The following CNTNAP2 variants were observed in gnomAD, a reference collection of about 807,000 sequenced individuals.
CNTNAP2 encodes contactin associated protein 2.
Under a neutral mutation model 155.2 loss-of-function variants are expected in CNTNAP2, and 98 were observed. The ratio of observed to expected loss-of-function variants is 0.63; its 90% CI spans 0.54 to 0.75. The LOEUF (loss-of-function observed/expected upper bound fraction) is 0.75, where lower values mean the gene tolerates loss of function less well. Among genes scored for constraint, CNTNAP2 ranks in the 30% least tolerant of loss-of-function variants. The pLI is 0.00. For missense variants in CNTNAP2, 1,727 were observed against 1,688.1 expected (o/e 1.02, Z -0.40); for synonymous variants, 651 against 631.2 (o/e 1.03, Z -0.47).
chr7:146,986,234 T>C (rs1000209743), intron 3 of CNTNAP2, among the ~76,000 whole-genome samples: 2 of 152,192 alleles, frequency 1.3e-5, no homozygotes, highest in Admixed American at 6.5e-5. Context: ...CTCTCACTTA[T>C]GAGAGAGAAC....
intron 3 of CNTNAP2, among the ~76,000 whole-genome samples, chr7:146,982,986 A>G (rs1185603095): frequency 6.6e-6 from 1 of 152,196 alleles, no homozygotes; most frequent in Non-Finnish European, 1.5e-5. Flanking sequence ...TATGCTGCCA[A>G]TGGCTTAATT....
At chr7:148,098,376 A>C (rs1272795918) in intron 15 of CNTNAP2, among the ~76,000 whole-genome samples, 2 of 136,764 alleles carry the variant, frequency 1.5e-5, no homozygotes, top group Non-Finnish European at 3.1e-5. Flanking sequence ...TCCAGGAGGC[A>C]GAGGTTGCTT....
chr7:147,729,107 T>C (rs996125842), intron 13 of CNTNAP2, among the ~76,000 whole-genome samples: 1 of 151,616 alleles, frequency 6.6e-6, no homozygotes, highest in Non-Finnish European at 1.5e-5. Flanking sequence ...GCTTATTTTG[T>C]TCATTTTTTG....
At chr7:147,789,826 T>C (rs1264789547) in intron 13 of CNTNAP2, among the ~76,000 whole-genome samples, 1 of 152,104 alleles carries the variant, frequency 6.6e-6, no homozygotes, top group African/African-American at 2.4e-5. Flanking sequence ...TCTTCAGCTT[T>C]TGCACTCTTG....
chr7:146,896,316 A>G (rs900343828), intron 3 of CNTNAP2, among the ~76,000 whole-genome samples: 2 of 152,168 alleles, frequency 1.3e-5, no homozygotes, highest in Admixed American at 1.3e-4. Flanking sequence ...GTCTTGCAGG[A>G]AAGACTTCCT....
intron 3 of CNTNAP2, among the ~76,000 whole-genome samples, chr7:146,886,972 AC>A (rs1490055021): frequency 6.6e-6 from 1 of 151,472 alleles, no homozygotes; most frequent in Non-Finnish European, 1.5e-5. Flanking sequence ...TAGGAAATAG[AC>A]CTAATATTTC....
chr7:148,198,547 AGCTATGAGGATTGTGACC>A (rs1192533690), intron 18 of CNTNAP2, among the ~76,000 whole-genome samples: 2 of 152,280 alleles, frequency 1.3e-5, no homozygotes, highest in African/African-American at 4.8e-5. Flanking sequence ...CCTGCTCTAC[AGCTATGAGGATTGTGACC>A]GTATGTGTCC....
At chr7:147,494,477 A>G (rs1798662700) in intron 11 of CNTNAP2, among the ~76,000 whole-genome samples, 2 of 151,796 alleles carry the variant, frequency 1.3e-5, no homozygotes, top group Admixed American at 6.6e-5. Flanking sequence ...GCAAAAAAAA[A>G]AAAAAAAAAG....
At chr7:147,731,899 A>C (rs985944661) in intron 13 of CNTNAP2, among the ~76,000 whole-genome samples, 1 of 152,158 alleles carries the variant, frequency 6.6e-6, no homozygotes, top group Non-Finnish European at 1.5e-5. Flanking sequence ...TGGTGGAAGT[A>C]ACTGCAGATG....
At chr7:147,718,341 A>T (rs1796512953) in intron 13 of CNTNAP2, among the ~76,000 whole-genome samples, 2 of 152,146 alleles carry the variant, frequency 1.3e-5, no homozygotes, top group Admixed American at 1.3e-4. Context: ...CTATTTTTAT[A>T]CATGGAAACA....
chr7:147,472,531 T>C (rs371042032), intron 10 of CNTNAP2, among the ~76,000 whole-genome samples: 67 of 152,182 alleles, frequency 4.4e-4, no homozygotes, highest in African/African-American at 1.5e-3. Flanking sequence ...ATTTTTAAAG[T>C]AGCGTGACAT....
intron 3 of CNTNAP2, among the ~76,000 whole-genome samples, chr7:147,033,011 T>C (rs545254608): frequency 6.6e-6 from 1 of 151,852 alleles, no homozygotes; most frequent in South Asian, 2.1e-4. Context: ...AGTCAAATTA[T>C]TGCTTGCAAA....
intron 15 of CNTNAP2, among the ~76,000 whole-genome samples, chr7:148,075,014 A>C (rs1052083434): frequency 6.6e-6 from 1 of 152,248 alleles, no homozygotes; most frequent in African/African-American, 2.4e-5. Context: ...GGAAAGTTCT[A>C]TAGAATGCTG....
At chr7:147,895,938 C>A (rs1440376764) in intron 13 of CNTNAP2, among the ~76,000 whole-genome samples, 2 of 152,224 alleles carry the variant, frequency 1.3e-5, no homozygotes, top group Non-Finnish European at 2.9e-5. Context: ...TATTGGCATT[C>A]TTTTGCAGTA....
intron 4 of CNTNAP2, among the ~76,000 whole-genome samples, chr7:147,106,936 C>A (rs1035332735): frequency 7.2e-5 from 11 of 152,148 alleles, no homozygotes; most frequent in African/African-American, 2.7e-4. Flanking sequence ...GAAAATATTT[C>A]TCTGACAGGC....
chr7:148,192,556 A>G (rs114136238), intron 18 of CNTNAP2, among the ~76,000 whole-genome samples: 1,759 of 151,482 alleles, frequency 0.012, 40 homozygotes, highest in African/African-American at 0.041. Flanking sequence ...AAACAAAAAA[A>G]CTCTCCATGC....
At chr7:147,245,486 G>C (rs1374895451) in intron 8 of CNTNAP2, among the ~76,000 whole-genome samples, 1 of 151,860 alleles carries the variant, frequency 6.6e-6, no homozygotes, top group Non-Finnish European at 1.5e-5. Flanking sequence ...TCCACTAGAG[G>C]GAGCACTTGA....
chr7:147,445,084 T>A (rs1397759230), intron 10 of CNTNAP2, among the ~76,000 whole-genome samples: 2 of 152,020 alleles, frequency 1.3e-5, no homozygotes, highest in Non-Finnish European at 2.9e-5. Context: ...TCCAATCACC[T>A]CCCACCACAT....
intron 3 of CNTNAP2, among the ~76,000 whole-genome samples, chr7:146,961,738 A>G (rs1797561228): frequency 1.3e-5 from 2 of 152,198 alleles, no homozygotes; most frequent in Admixed American, 6.5e-5. Flanking sequence ...TGTGCCAGAA[A>G]TAGGGAAATG....
Sources: allele counts gnomAD v4.1 joint callset (sites outside exome capture counted in the v4.1 genomes callset), GRCh38; gene constraint gnomAD v4.1.1; transcripts MANE v1.5; gene names NCBI Gene and HGNC (gene_info 2026-07-23, HGNC 2026-07-21).